The following RGL1 variants were observed in gnomAD, a reference collection of about 807,000 sequenced individuals.
The protein encoded by RGL1 is ral guanine nucleotide dissociation stimulator-like 1.
In RGL1, 24 loss-of-function variants were observed where a neutral mutation model predicts 95.2. That is an observed-to-expected ratio of 0.25 (90% CI 0.18 to 0.35). The LOEUF (loss-of-function observed/expected upper bound fraction) is 0.35. Among genes scored for constraint, RGL1 ranks in the 10% least tolerant of loss-of-function variants. The pLI, the probability that RGL1 is intolerant of heterozygous loss-of-function variation, is 1.00. For synonymous variants in RGL1, 329 were observed against 344.9 expected (o/e 0.95, Z 0.51); for missense variants, 715 against 936.3 (o/e 0.76, Z 3.08).
chr1:183,717,705 C>T (rs183041511), intron 1 of RGL1, among the ~76,000 whole-genome samples: 12 of 152,232 alleles, frequency 7.9e-5, no homozygotes, highest in East Asian at 3.9e-4. Flanking sequence ...AGATAGATTC[C>T]GCCCTTGTGG....
intron 3 of RGL1, among the ~76,000 whole-genome samples, chr1:183,863,439 G>A (rs112491995): frequency 4.1e-4 from 62 of 152,214 alleles, no homozygotes; most frequent in African/African-American, 1.4e-3. Context: ...GAGTAGCTGG[G>A]ATTGCAGACA....
chr1:183,694,239 C>T (rs1654126934), intron 1 of RGL1, among the ~76,000 whole-genome samples: 1 of 151,972 alleles, frequency 6.6e-6, no homozygotes, highest in African/African-American at 2.4e-5. Flanking sequence ...TGCAGCAGTC[C>T]CCAGGAGAGT....
At chr1:183,707,525 A>C (rs961932042) in intron 1 of RGL1, among the ~76,000 whole-genome samples, 1 of 152,166 alleles carries the variant, frequency 6.6e-6, no homozygotes, top group African/African-American at 2.4e-5. Context: ...GAGTATGGGA[A>C]GGAGAGAAGG....
intron 5 of RGL1, among the ~76,000 whole-genome samples, chr1:183,881,281 C>T (rs1666810559): frequency 6.6e-6 from 1 of 152,202 alleles, no homozygotes; most frequent in South Asian, 2.1e-4. Context: ...CTCCCAAAAG[C>T]TTGGAAAAGG....
rs145064213 is a variant in RGL1, at chr1:183,889,705, G to A, written c.1055+1128G>A. On this transcript the variant is annotated intron_variant, in intron 8 of 17. Coordinates refer to ENST00000360851, the MANE Select transcript of RGL1 (RefSeq NM_001297671.3). ...TGGTGTAAGCCAAATTATTTATTAG[G>A]TGATTCTTTGATGGGTAAAAAGAAA... is the stretch of plus-strand genomic sequence containing the variant. 1.4e-4 allele frequency among the ~76,000 whole-genome samples: 21 copies of A among 152,222 alleles called. 1 individual carries two copies. The East Asian group carries it at 3.9e-3, about 28-fold the overall frequency.
intron 1 of RGL1, among the ~76,000 whole-genome samples, chr1:183,716,058 C>A (rs2102190380): frequency 6.6e-6 from 1 of 152,256 alleles, no homozygotes; most frequent in South Asian, 2.1e-4. Context: ...ACTCATTCTG[C>A]CAATTCAAAT....
chr1:183,713,402 C>A (rs951866586), intron 1 of RGL1, among the ~76,000 whole-genome samples: 13 of 114,518 alleles, frequency 1.1e-4, no homozygotes, highest in African/African-American at 4.4e-4. Flanking sequence ...TTTATAATGA[C>A]CCTTTTGACT....
intron 9 of RGL1, among the ~76,000 whole-genome samples, chr1:183,895,637 A>C (rs965769035): frequency 1.4e-4 from 22 of 152,342 alleles, no homozygotes; most frequent in African/African-American, 5.1e-4. Context: ...TGAGTGATAC[A>C]GTCACAAAAA....
chr1:183,914,781 A>G (rs1322371874), intron 15 of RGL1, among the ~76,000 whole-genome samples: 2 of 152,202 alleles, frequency 1.3e-5, no homozygotes, highest in Admixed American at 6.5e-5. Context: ...TCTAGGCTTT[A>G]TCTTAACTAT....
At chr1:183,832,141 G>C (rs571603216) in intron 2 of RGL1, among the ~76,000 whole-genome samples, 2 of 152,146 alleles carry the variant, frequency 1.3e-5, no homozygotes, top group African/African-American at 4.8e-5. Flanking sequence ...CTCATACCCA[G>C]TTATGGACTG....
chr1:183,846,496 T>A (rs569884579), intron 2 of RGL1, among the ~76,000 whole-genome samples: 2 of 151,606 alleles, frequency 1.3e-5, no homozygotes, highest in East Asian at 3.9e-4. Flanking sequence ...TGTATACCTA[T>A]GTAACAAACC....
chr1:183,847,251 C>T (rs1310130682), intron 2 of RGL1, among the ~76,000 whole-genome samples: 4 of 152,060 alleles, frequency 2.6e-5, no homozygotes, highest in Non-Finnish European at 5.9e-5. Flanking sequence ...GAGTTTGAGA[C>T]CAGTCTGGAT....
chr1:183,689,376 T>TTG (rs1425160772), intron 1 of RGL1, among the ~76,000 whole-genome samples: 1 of 152,274 alleles, frequency 6.6e-6, no homozygotes, highest in African/African-American at 2.4e-5. Context: ...CTTCATGCAT[T>TTG]TGTGTCTTTG....
chr1:183,872,793 C>A (rs10752922), intron 4 of RGL1, among the ~76,000 whole-genome samples: 1 of 152,020 alleles, frequency 6.6e-6, no homozygotes, highest in Non-Finnish European at 1.5e-5. Context: ...TTCAGATGCC[C>A]TAAGAAGGCA....
intron 3 of RGL1, among the ~76,000 whole-genome samples, chr1:183,863,967 C>A (rs1056139862): frequency 1.3e-5 from 2 of 152,188 alleles, no homozygotes; most frequent in Non-Finnish European, 2.9e-5. Context: ...GTATAAGTTA[C>A]TTAGTCTTTC....
chr1:183,916,512 T>A lies in RGL1; in HGVS notation c.1815T>A (p.Ser605=), dbSNP rs1310112329. Reference sequence around the variant, plus strand: ...TGGACACAAATTCCTCAGGGATGTCTTCCTTAATCAACCCCCTCTCCTCCC... The same window carrying A: ...TGGACACAAATTCCTCAGGGATGTCATCCTTAATCAACCCCCTCTCCTCCC... ...HSMDTNSSGM[S]SLINPLSSPP... The change falls in exon 16 of 18, where the codon TCT becomes TCA. Residue 605 remains serine, a synonymous_variant. Transcript: ENST00000360851. 2 of 1,613,784 alleles carry A rather than the reference T, an allele frequency of 1.2e-6. No individual in the cohort carries two copies. The highest frequency in any genetic ancestry group is 2.7e-5 in the African/African-American group (2 of 74,824).
rs368632185 is a variant in RGL1, at chr1:183,752,801, C to T, written c.132+10512C>T. 5.4e-4 allele frequency among the ~76,000 whole-genome samples: 81 copies of T among 150,126 alleles called. 3 individuals carry two copies. The South Asian group carries it at 0.017, about 31-fold the overall frequency. On this transcript the variant is annotated intron_variant, in intron 2 of 18. Coordinates refer to the RGL1 transcript ENST00000304685. Reference sequence around the variant, plus strand: ...CTATAGAATTATAGTTCTTTGAGTACATTGGAAATTTTCCATTGTCCTCTG... The same window carrying T: ...CTATAGAATTATAGTTCTTTGAGTATATTGGAAATTTTCCATTGTCCTCTG...
At chr1:183,638,416 T>C (rs1013928811) in intron 1 of RGL1, among the ~76,000 whole-genome samples, 1 of 152,224 alleles carries the variant, frequency 6.6e-6, no homozygotes, top group South Asian at 2.1e-4. Flanking sequence ...TTCTAGTCAA[T>C]GATTTAATGA....
intron 1 of RGL1, among the ~76,000 whole-genome samples, chr1:183,709,128 T>G (rs1289136210): frequency 1.3e-5 from 2 of 152,168 alleles, no homozygotes; most frequent in East Asian, 3.9e-4. Context: ...ACGGCCTCTC[T>G]CTCAGCCTTC....
Sources: gnomAD v4.1 joint callset for allele counts (sites outside exome capture counted in the v4.1 genomes callset) on GRCh38, gnomAD v4.1.1 for gene constraint, MANE v1.5 for transcripts, NCBI Gene and HGNC (gene_info 2026-07-23, HGNC 2026-07-21) for gene names.